MPRIP: variants seen among roughly 807,000 people sequenced by gnomAD.
MPRIP encodes myosin phosphatase Rho interacting protein.
A neutral mutation model predicts 234.9 loss-of-function variants in MPRIP; 59 were observed. The observed-to-expected ratio is 0.25, with a 90% confidence interval of 0.20 to 0.31. MPRIP has a LOEUF of 0.31. Ranked by LOEUF, MPRIP falls within the 10% of genes least tolerant of loss-of-function variation. MPRIP has a pLI of 1.00. For synonymous variants in MPRIP, 1,144 were observed against 1,263.9 expected (o/e 0.91, Z 2.01); for missense variants, 2,436 against 3,071.0 (o/e 0.79, Z 4.89).
chr17:17,186,622 GGTA>G lies in MPRIP; in HGVS notation c.*1733_*1735del, dbSNP rs920143752. On this transcript the variant is annotated 3_prime_UTR_variant, in exon 24 of 24. Transcript: ENST00000651222. ...TAGTCCCAGCTACTCAGGAGGCTGA[GGTA>G]GTAGGATTGCTTGAGCCCGGGAGGT... is the stretch of plus-strand genomic sequence containing the variant. The G allele has an allele frequency of 6.6e-6, 1 of 152,224 alleles. No individual in the cohort carries two copies. Among genetic ancestry groups the G allele is most frequent in the African/African-American group, 2.4e-5 (1 of 41,448 alleles). The allele number at this position is 152,224 out of a possible 1,614,324, so 9.4% of individuals were successfully genotyped here. A position where few individuals can be genotyped will look rare whatever the true frequency, so the allele number is the denominator to read the frequency against.
At chr17:17,114,513 T>C (rs1197558598) in intron 3 of MPRIP, among the ~76,000 whole-genome samples, 3 of 152,254 alleles carry the variant, frequency 2.0e-5, no homozygotes, top group Admixed American at 1.3e-4. Flanking sequence ...GCTTTTTTCC[T>C]TGGTCTTCTG....
chr17:17,125,473 C>T (rs963109222), intron 3 of MPRIP, among the ~76,000 whole-genome samples: 3 of 152,220 alleles, frequency 2.0e-5, no homozygotes, highest in Admixed American at 6.5e-5. Context: ...CAGCAGCCCT[C>T]CGGTCTGACT....
chr17:17,126,755 G>A lies in MPRIP; in HGVS notation c.321G>A (p.Val107=). The A allele has an allele frequency of 6.2e-7, 1 of 1,614,168 alleles. No individual in the cohort carries two copies. Among genetic ancestry groups the A allele is most frequent in the Non-Finnish European group, 8.5e-7 (1 of 1,180,002 alleles). The stretch of plus-strand genomic sequence containing the variant: ...ACATGAACCAGTGCACAGATGTGGT[G>A]GATGGGGAGGGCCGCACGGGCCAGA... ...TINMNQCTDV[V]DGEGRTGQKF... The change falls in exon 4 of 24, where the codon GTG becomes GTA. Residue 107 remains valine (V), a synonymous_variant. Coordinates refer to ENST00000651222, the MANE Select transcript of MPRIP (RefSeq NM_001364716.4).
chr17:17,123,912 C>G (rs1029968570), intron 3 of MPRIP, among the ~76,000 whole-genome samples: 1 of 152,066 alleles, frequency 6.6e-6, no homozygotes, highest in African/African-American at 2.4e-5. Flanking sequence ...TTAGGTGATG[C>G]CCGCCTCACA....
chr17:17,160,154 G>A (rs1490321160), intron 14 of MPRIP, among the ~76,000 whole-genome samples: 1 of 152,042 alleles, frequency 6.6e-6, no homozygotes, highest in Non-Finnish European at 1.5e-5. Context: ...GGATCACAAG[G>A]TCAAGAGATC....
Position 17,189,973 on chromosome 17 carries a change from A to G in MPRIP, c.*5079A>G, listed in dbSNP as rs1388835851. ...GCTTATTAAAAAGTTCCTTAGAATTAAGGTATCTACCCACTGTTTTCGCAC... is the reference window on the plus strand; with the variant it reads ...GCTTATTAAAAAGTTCCTTAGAATTGAGGTATCTACCCACTGTTTTCGCAC... On this transcript the variant is annotated 3_prime_UTR_variant, in exon 24 of 24. Coordinates refer to ENST00000651222, the MANE Select transcript of MPRIP (RefSeq NM_001364716.4). 6.6e-6 allele frequency: 1 copy of G among 152,228 alleles called. No individual in the cohort carries two copies. Among genetic ancestry groups the G allele is most frequent in the African/African-American group, 2.4e-5 (1 of 41,456 alleles). 9.4% of individuals were successfully genotyped at this position (152,228 alleles called of 1,614,324 possible).
At chr17:17,046,904 G>T (rs371288458) in intron 1 of MPRIP, among the ~76,000 whole-genome samples, 2 of 152,184 alleles carry the variant, frequency 1.3e-5, no homozygotes, top group African/African-American at 4.8e-5. Context: ...CCGGCAGGGC[G>T]CAGTGGCTCA....
At chr17:17,088,494 C>A (rs116528730) in intron 3 of MPRIP, among the ~76,000 whole-genome samples, 1 of 152,158 alleles carries the variant, frequency 6.6e-6, no homozygotes, top group South Asian at 2.1e-4. Context: ...GGAGGTGCAA[C>A]AGAAAATATT....
rs146449381 is a variant in MPRIP at position 17,158,483 on chromosome 17, G to A, written c.1881G>A (p.Pro627=). 4.8e-5 allele frequency: 77 copies of A among 1,608,190 alleles called. No homozygotes were observed. Among genetic ancestry groups the A allele is most frequent in the Non-Finnish European group, 6.3e-5 (74 of 1,178,394 alleles). The change falls in exon 14 of 24, where the codon CCG becomes CCA. Residue 627 remains proline, a synonymous_variant. Transcript: ENST00000651222. Reference sequence around the variant, plus strand: ...GCAGCTGCTCTTTTGAGACCTGCCCGAGGCCTACTGAGAAGCAAGAGGCAG... The same window carrying A: ...GCAGCTGCTCTTTTGAGACCTGCCCAAGGCCTACTGAGAAGCAAGAGGCAG... The part of the protein sequence containing the change: ...NKSSCSFETC[P]RPTEKQEAEL...
At chr17:17,131,804 GGCTGAGGCA>G in intron 5 of MPRIP, 103 bp downstream of exon 5, 1 of 1,016,440 alleles carries the variant, frequency 9.8e-7, no homozygotes, top group Non-Finnish European at 1.5e-6. Context: ...GTCAGGCCAG[GGCTGAGGCA>G]GTCACCAACT....
At chr17:17,106,441 C>T (rs1173547261) in intron 3 of MPRIP, among the ~76,000 whole-genome samples, 2 of 152,234 alleles carry the variant, frequency 1.3e-5, no homozygotes, top group Admixed American at 6.5e-5. Context: ...GTTGAGCCTC[C>T]ACCACTTCAG....
In MPRIP at chr17:17,167,062, A is replaced by G. The variant is rs2046015873; in HGVS notation, c.5471A>G (p.Tyr1824Cys). 2.3e-6 allele frequency: 3 copies of G among 1,304,222 alleles called. No individual in the cohort carries two copies. The highest frequency in any genetic ancestry group is 1.2e-5 in the South Asian group (1 of 81,034). 80.8% of individuals were successfully genotyped at this position (1,304,222 alleles called of 1,614,324 possible). Reference protein sequence around the residue: ...KLLQVSQSLSYNTCLGGLGQY... With the variant: ...KLLQVSQSLSCNTCLGGLGQY... ...CTCCAGGTGTCCCAGAGTCTCTCGT[A>G]TAACACTTGTTTGGGAGGCCTCGGT... The change falls in exon 16 of 24, where the codon TAT (tyrosine) becomes TGT (cysteine). Residue 1824 changes from tyrosine (Y) to cysteine (C), a missense_variant. This residue lies in a region of MPRIP where 1,998 missense variants were observed against 2,520.3 expected (regional missense o/e 0.79). Coordinates refer to ENST00000651222, the MANE Select transcript of MPRIP (RefSeq NM_001364716.4). The surrounding 1 kb of genome is among the most constrained non-coding windows in gnomAD (Gnocchi z 5.9).
chr17:17,100,469 G>A (rs2089938035), intron 3 of MPRIP, among the ~76,000 whole-genome samples: 1 of 152,154 alleles, frequency 6.6e-6, no homozygotes, highest in African/African-American at 2.4e-5. Flanking sequence ...GCCATCTGTT[G>A]GCTCAGGGGT....
At chr17:17,052,230 C>T (rs1416782532) in intron 1 of MPRIP, among the ~76,000 whole-genome samples, 2 of 152,244 alleles carry the variant, frequency 1.3e-5, no homozygotes, top group African/African-American at 4.8e-5. Context: ...TGGCTCCAGA[C>T]TCATCCTCCC....
chr17:17,166,714 T>A lies in MPRIP; in HGVS notation c.5123T>A (p.Leu1708Gln), dbSNP rs1488607827. 1 of 1,304,004 alleles carries A rather than the reference T, an allele frequency of 7.7e-7. No homozygotes were observed. The highest frequency in any genetic ancestry group is 1.5e-5 in the African/African-American group (1 of 65,852). 80.8% of individuals were successfully genotyped at this position (1,304,004 alleles called of 1,614,324 possible). Residue 1708 changes from leucine to glutamine, a missense_variant, in exon 16 of 24, where the codon CTG becomes CAG. Around this residue, in one of 4 missense-constraint regions of MPRIP, gnomAD observed 1,998 missense variants for 2,520.3 expected, o/e 0.79. Transcript: ENST00000651222. This position sits in a 1 kb window ranked among gnomAD's most constrained non-coding sequence, Gnocchi z 4.4. The stretch of plus-strand genomic sequence containing the variant: ...GCCCTGCGGCAGCACAAATGCCTGC[T>A]GAGGGAAATCCTGGGAGCCTACCAA... ...QTALRQHKCL[L>Q]REILGAYQTP...
intron 3 of MPRIP, among the ~76,000 whole-genome samples, chr17:17,097,953 T>C (rs921002954): frequency 6.6e-6 from 1 of 152,194 alleles, no homozygotes; most frequent in African/African-American, 2.4e-5. Context: ...CTGCAGATAA[T>C]TGAAAAAATC....
chr17:17,056,865 A>G (rs2088715739), intron 1 of MPRIP, among the ~76,000 whole-genome samples: 1 of 152,214 alleles, frequency 6.6e-6, no homozygotes, highest in Non-Finnish European at 1.5e-5. Flanking sequence ...AAACAGAATC[A>G]TACCATACCA....
chr17:17,120,427 G>A (rs1050404429), intron 3 of MPRIP, among the ~76,000 whole-genome samples: 2 of 152,176 alleles, frequency 1.3e-5, no homozygotes, highest in Non-Finnish European at 2.9e-5. Flanking sequence ...CCTGGCTGCA[G>A]TGCACAGAGC....
intron 15 of MPRIP, among the ~76,000 whole-genome samples, chr17:17,163,304 G>A (rs1465874082): frequency 6.6e-6 from 1 of 152,160 alleles, no homozygotes; most frequent in Non-Finnish European, 1.5e-5. Flanking sequence ...TCTTAGGCTG[G>A]GCTCGGCTCA....
Sources: allele counts gnomAD v4.1 joint callset (sites outside exome capture counted in the v4.1 genomes callset), GRCh38; gene constraint gnomAD v4.1.1; regional missense constraint gnomAD v4.1.1; non-coding constraint Gnocchi (gnomAD v3.1); transcripts MANE v1.5; gene names NCBI Gene and HGNC (gene_info 2026-07-23, HGNC 2026-07-21).